The following NTSR1 variants were observed in gnomAD, a reference collection of about 807,000 sequenced individuals.
NTSR1 encodes neurotensin receptor 1.
Under a neutral mutation model 31.2 loss-of-function variants are expected in NTSR1, and 29 were observed. That is an observed-to-expected ratio of 0.93 (90% CI 0.69 to 1.27). NTSR1 has a LOEUF of 1.27. Ranked by LOEUF, NTSR1 falls within the 50% of genes most tolerant of loss-of-function variation. NTSR1 has a pLI of 0.00. For missense variants in NTSR1, 697 were observed against 595.4 expected, an observed-to-expected ratio of 1.17 and a Z score of -1.78; for synonymous variants, 282 against 269.9, an observed-to-expected ratio of 1.04 and a Z score of -0.44.
At chr20:62,722,931 GT>G (rs1156984714) in intron 1 of NTSR1, among the ~76,000 whole-genome samples, 4 of 152,164 alleles carry the variant, frequency 2.6e-5, no homozygotes, top group Non-Finnish European at 5.9e-5. Flanking sequence ...TTAAAACAAT[GT>G]TACAAAAGAA....
intron 1 of NTSR1, among the ~76,000 whole-genome samples, chr20:62,736,264 G>C (rs1257620450): frequency 2.0e-5 from 3 of 152,202 alleles, no homozygotes; most frequent in Admixed American, 6.5e-5. Context: ...TTCCCTGTCT[G>C]GGTCTGGGGC....
intron 1 of NTSR1, among the ~76,000 whole-genome samples, chr20:62,726,751 T>G (rs1988913554): frequency 6.6e-6 from 1 of 151,780 alleles, no homozygotes; most frequent in Non-Finnish European, 1.5e-5. Context: ...TTTTCTCATT[T>G]TACTAGGTGA....
rs952974727 is a variant in NTSR1, at chr20:62,762,524, A to C, written c.*2257A>C. 1 of 150,522 alleles carries C rather than the reference A, an allele frequency of 6.6e-6. No homozygotes were observed. Among genetic ancestry groups the C allele is most frequent in the African/African-American group, 2.4e-5 (1 of 40,880 alleles). The allele number at this position is 150,522 out of a possible 1,614,324, so 9.3% of individuals were successfully genotyped here. ...CGTAGGTAGGGACACGTGTCCACGC[A>C]CCACAGACACACCCACGACACCTGA... On this transcript the variant is annotated 3_prime_UTR_variant, in exon 4 of 4. Transcript: ENST00000370501.
Position 62,743,142 on chromosome 20 carries a change from C to T in NTSR1, c.715-11543C>T, listed in dbSNP as rs1400793465. ...AGCCGCCCCTGCTGGACACGTATCCCGGCCATCTCAGGCCCACCCATTGCC... is the reference window on the plus strand; with the variant it reads ...AGCCGCCCCTGCTGGACACGTATCCTGGCCATCTCAGGCCCACCCATTGCC... On this transcript the variant is annotated intron_variant, in intron 1 of 3. Coordinates refer to ENST00000370501, the MANE Select transcript of NTSR1 (RefSeq NM_002531.3). The surrounding 1 kb of genome is among the most constrained non-coding windows in gnomAD (Gnocchi z 7.5). 6.0e-5 allele frequency among the ~76,000 whole-genome samples: 9 copies of T among 149,542 alleles called. 1 individual carries two copies. The highest frequency in any genetic ancestry group is 4.5e-4 in the East Asian group (2 of 4,440).
intron 2 of NTSR1, among the ~76,000 whole-genome samples, chr20:62,756,270 G>A (rs1989511653): frequency 6.6e-6 from 1 of 152,222 alleles, no homozygotes; most frequent in Admixed American, 6.5e-5. Context: ...CAAGGACCAG[G>A]AGCCCATCTG....
At chr20:62,750,428 C>T (rs1051034440) in intron 1 of NTSR1, among the ~76,000 whole-genome samples, 6 of 152,220 alleles carry the variant, frequency 3.9e-5, no homozygotes, top group Middle Eastern at 3.4e-3. Flanking sequence ...TGGTGGCTCA[C>T]GCCTGTAATC....
chr20:62,743,074 G>A lies in NTSR1; in HGVS notation c.715-11611G>A, dbSNP rs73918675. On this transcript the variant is annotated intron_variant, in intron 1 of 3. Transcript: ENST00000370501. This position sits in a 1 kb window ranked among gnomAD's most constrained non-coding sequence, Gnocchi z 7.5. ...CCCTGCCCTCTCCCCAGATCAGCTC[G>A]GTAGGCTCCAATCCAGAGAGTCAGG... Among the ~76,000 whole-genome samples, 2,527 of 149,492 alleles carry A rather than the reference G, an allele frequency of 0.017. 282 individuals carry two copies. The highest frequency in any genetic ancestry group is 0.059 in the African/African-American group (2,361 of 40,102).
rs138591224 is a variant in NTSR1 at position 62,758,356 on chromosome 20, C to T, written c.1007C>T (p.Pro336Leu). ...FCYISDEQWTPFLYDFYHYFY... is the reference protein window; with the variant it reads ...FCYISDEQWTLFLYDFYHYFY... Reference sequence around the variant, plus strand: ...TACATCTCGGATGAGCAGTGGACTCCGTGAGTACCGGGAACCAGGAAGTTG... The same window carrying T: ...TACATCTCGGATGAGCAGTGGACTCTGTGAGTACCGGGAACCAGGAAGTTG... The change falls in exon 3 of 4, where the codon CCG becomes CTG. Residue 336 changes from proline (P) to leucine (L), a missense_variant and splice_region_variant. Transcript: ENST00000370501. The surrounding 1 kb of genome is among the most constrained non-coding windows in gnomAD (Gnocchi z 4.5). The T allele has an allele frequency of 2.9e-5, 47 of 1,613,176 alleles. No individual in the cohort carries two copies. In the African/African-American group the frequency reaches 4.8e-4, roughly 16 times the overall value.
At chr20:62,730,358 C>T (rs1469438827) in intron 1 of NTSR1, among the ~76,000 whole-genome samples, 1 of 152,198 alleles carries the variant, frequency 6.6e-6, no homozygotes, top group Non-Finnish European at 1.5e-5. Context: ...CGTATGCAGC[C>T]TTTTCAGACC....
rs1015164477 is a variant in NTSR1 at position 62,733,172 on chromosome 20, C to A, written c.715-21513C>A. ...CATCGGCAGTGTGTAGACGTTCTTT[C>A]GGAAGAAGATCTGTCAGAGAAAATG... On this transcript the variant is annotated intron_variant, in intron 1 of 3. Transcript: ENST00000370501. This position sits in a 1 kb window ranked among gnomAD's most constrained non-coding sequence, Gnocchi z 5.2. 5 of 151,976 alleles carry A rather than the reference C, an allele frequency of 3.3e-5. No individual in the cohort carries two copies. The South Asian group carries it at 8.3e-4, about 25-fold the overall frequency. The allele number at this position is 151,976 out of a possible 1,614,324, so 9.4% of individuals were successfully genotyped here. A position where few individuals can be genotyped will look rare whatever the true frequency, so the allele number is the denominator to read the frequency against.
At chr20:62,740,744 G>T (rs142057060) in intron 1 of NTSR1, among the ~76,000 whole-genome samples, 17 of 152,084 alleles carry the variant, frequency 1.1e-4, no homozygotes, top group African/African-American at 3.6e-4. Flanking sequence ...ACTGCTCTGC[G>T]CAGCCTCCTG....
rs2147128889 is a variant in NTSR1, at chr20:62,708,968, C to G, written c.-240C>G. Reference sequence around the variant, plus strand: ...AGCCGGGAGACAGCCCGAGGAACCACGGGTTCTGGAGCTAGGAGCCGGAAG... The same window carrying G: ...AGCCGGGAGACAGCCCGAGGAACCAGGGGTTCTGGAGCTAGGAGCCGGAAG... On this transcript the variant is annotated 5_prime_UTR_variant, in exon 1 of 4. Coordinates refer to ENST00000370501, the MANE Select transcript of NTSR1 (RefSeq NM_002531.3). This position sits in a 1 kb window ranked among gnomAD's most constrained non-coding sequence, Gnocchi z 5.9. The G allele has an allele frequency of 2.4e-6, 1 of 418,998 alleles. No homozygotes were observed. Among genetic ancestry groups the G allele is most frequent in the Admixed American group, 4.5e-5 (1 of 22,268 alleles). The allele number at this position is 418,998 out of a possible 1,614,324, so 26.0% of individuals were successfully genotyped here.
rs367910919 is a variant in NTSR1, at chr20:62,745,612, CAGAAAAACACAG to C, written c.715-9057_715-9046del. Reference sequence around the variant, plus strand: ...GAAAACATACAAGGAGACAGAGACACAGAAAAACACAGAGAAAAACACAGAGACATCACAGGA... The same window carrying C: ...GAAAACATACAAGGAGACAGAGACACAGAAAAACACAGAGACATCACAGGA... On this transcript the variant is annotated intron_variant, in intron 1 of 3. Transcript: ENST00000370501. This position sits in a 1 kb window ranked among gnomAD's most constrained non-coding sequence, Gnocchi z 4.1. Among the ~76,000 whole-genome samples, 20 of 149,384 alleles carry C rather than the reference CAGAAAAACACAG, an allele frequency of 1.3e-4. No individual in the cohort carries two copies. The highest frequency in any genetic ancestry group is 3.8e-4 in the African/African-American group (15 of 39,158).
rs34257083 is a variant in NTSR1 at position 62,709,380 on chromosome 20, C to G, written c.173C>G (p.Thr58Ser). The change falls in exon 1 of 4, where the codon ACC becomes AGC. Residue 58 changes from threonine to serine, a missense_variant. Thr to Ser is a moderately conservative substitution (Grantham distance 58). Coordinates refer to ENST00000370501, the MANE Select transcript of NTSR1 (RefSeq NM_002531.3). ...AAPSSELDVN[T>S]DIYSKVLVTA... ...CCCAGCAGCGAGCTGGACGTGAACA[C>G]CGACATCTACTCCAAGGTGCTGGTG... The G allele has an allele frequency of 1.2e-6, 2 of 1,609,046 alleles. No individual in the cohort carries two copies. The highest frequency in any genetic ancestry group is 2.2e-5 in the South Asian group (2 of 90,864).
rs1232651250 is a variant in NTSR1, at chr20:62,733,165, G to A, written c.715-21520G>A. 2 of 152,072 alleles carry A rather than the reference G, an allele frequency of 1.3e-5. No individual in the cohort carries two copies. The highest frequency in any genetic ancestry group is 2.1e-4 in the South Asian group (1 of 4,816). 9.4% of individuals were successfully genotyped at this position (152,072 alleles called of 1,614,324 possible). A position where few individuals can be genotyped will look rare whatever the true frequency, so the allele number is the denominator to read the frequency against. On this transcript the variant is annotated intron_variant, in intron 1 of 3. Transcript: ENST00000370501. The surrounding 1 kb of genome is among the most constrained non-coding windows in gnomAD (Gnocchi z 5.2). ...TAAATGTCATCGGCAGTGTGTAGAC[G>A]TTCTTTCGGAAGAAGATCTGTCAGA...
chr20:62,752,534 TC>T (rs1232592425), intron 1 of NTSR1, among the ~76,000 whole-genome samples: 1 of 152,106 alleles, frequency 6.6e-6, no homozygotes, highest in Non-Finnish European at 1.5e-5. Context: ...CAGACTCTGT[TC>T]CCTCCCTCTG....
In NTSR1 at chr20:62,732,073, T is replaced by C. The variant is rs1035039280; in HGVS notation, c.714+22152T>C. ...AGGCAGAGGCTGCAGTGAGCCAAGA[T>C]TGTGTCACCATACTCCAGCCTGGGC... On this transcript the variant is annotated intron_variant, in intron 1 of 3. Coordinates refer to ENST00000370501, the MANE Select transcript of NTSR1 (RefSeq NM_002531.3). This position sits in a 1 kb window ranked among gnomAD's most constrained non-coding sequence, Gnocchi z 4.0. Among the ~76,000 whole-genome samples the C allele has an allele frequency of 2.6e-5, 4 of 151,510 alleles. No homozygotes were observed. The highest frequency in any genetic ancestry group is 6.6e-5 in the Admixed American group (1 of 15,220).
chr20:62,719,474 C>CT (rs1988793856), intron 1 of NTSR1, among the ~76,000 whole-genome samples: 2 of 151,258 alleles, frequency 1.3e-5, no homozygotes, highest in African/African-American at 2.5e-5. Context: ...ATACGATCAT[C>CT]CCCACCCTCC....
intron 1 of NTSR1, among the ~76,000 whole-genome samples, chr20:62,746,588 A>T (rs540790874): frequency 6.6e-6 from 1 of 152,288 alleles, no homozygotes; most frequent in South Asian, 2.1e-4. Context: ...GAAAGAGGAG[A>T]CTTTACAAGA....
Sources: gnomAD v4.1 joint callset for allele counts (sites outside exome capture counted in the v4.1 genomes callset) on GRCh38, gnomAD v4.1.1 for gene constraint, Gnocchi (gnomAD v3.1) non-coding constraint, MANE v1.5 for transcripts, NCBI Gene and HGNC (gene_info 2026-07-23, HGNC 2026-07-21) for gene names.